Variants in RPS6KA2 observed in about 807,000 individuals in gnomAD.
RPS6KA2 encodes ribosomal protein S6 kinase A2, also known as ribosomal protein S6 kinase alpha-2.
Under a neutral mutation model 91.8 loss-of-function variants are expected in RPS6KA2, and 42 were observed. The ratio of observed to expected loss-of-function variants is 0.46; its 90% CI spans 0.36 to 0.59. RPS6KA2 has a LOEUF of 0.59. RPS6KA2 is among the 20% of genes least tolerant of loss of function. The probability of loss-of-function intolerance (pLI) is 0.00; values close to 1 mark genes in which losing one functional copy is unlikely to be tolerated. For missense variants in RPS6KA2, 798 were observed against 978.5 expected (o/e 0.82, Z 2.46); for synonymous variants, 414 against 393.6 (o/e 1.05, Z -0.61).
intron 2 of RPS6KA2, among the ~76,000 whole-genome samples, chr6:166,746,227 A>G (rs1242112463): frequency 6.6e-6 from 1 of 152,118 alleles, no homozygotes; most frequent in African/African-American, 2.4e-5. Flanking sequence ...AACAACACCG[A>G]GCTTTCCTCT....
intron 1 of RPS6KA2, among the ~76,000 whole-genome samples, chr6:166,600,934 G>C (rs1785710073): frequency 6.6e-6 from 1 of 152,090 alleles, no homozygotes; most frequent in South Asian, 2.1e-4. Context: ...TGTAGGCAGG[G>C]AGCAATTTAT....
chr6:166,862,092 T>G (rs755292096), intron 1 of RPS6KA2: 4 of 1,614,060 alleles, frequency 2.5e-6, no homozygotes, highest in Non-Finnish European at 3.4e-6. Context: ...AAAAGTGCGT[T>G]CTCTCCTGCA....
chr6:166,420,532 G>T (rs1310867954), intron 17 of RPS6KA2, among the ~76,000 whole-genome samples: 4 of 152,166 alleles, frequency 2.6e-5, no homozygotes, highest in African/African-American at 9.7e-5. Context: ...ATTTCACTTA[G>T]TATAACACCC....
intron 2 of RPS6KA2, among the ~76,000 whole-genome samples, chr6:166,671,979 C>A (rs1349106690): frequency 6.6e-6 from 1 of 152,196 alleles, no homozygotes; most frequent in East Asian, 1.9e-4. Flanking sequence ...GGTCTGACAC[C>A]TGTGGCCAAA....
At chr6:166,654,967 AAT>A (rs869268927) in intron 2 of RPS6KA2, among the ~76,000 whole-genome samples, 3 of 139,204 alleles carry the variant, frequency 2.2e-5, no homozygotes, top group African/African-American at 5.5e-5. Context: ...TGTAAAAAAA[AAT>A]ATCAGGTGTC....
intron 1 of RPS6KA2, among the ~76,000 whole-genome samples, chr6:166,588,425 C>T (rs3799600): frequency 0.41 from 62,928 of 151,670 alleles, 13,904 homozygotes; most frequent in African/African-American, 0.55. Context: ...CCACACAGAG[C>T]ATCATGCACC....
At chr6:166,703,158 C>T (rs1412508159) in intron 2 of RPS6KA2, among the ~76,000 whole-genome samples, 1 of 152,216 alleles carries the variant, frequency 6.6e-6, no homozygotes, top group Non-Finnish European at 1.5e-5. Flanking sequence ...AATACAGGGG[C>T]AGTCGTGTTT....
Position 166,626,784 on chromosome 6 carries a change from C to T in RPS6KA2, c.99+137G>A, listed in dbSNP as rs537440755. 8.9e-6 allele frequency: 6 copies of T among 676,422 alleles called. No homozygotes were observed. Among genetic ancestry groups the T allele is most frequent in the Non-Finnish European group, 1.3e-5 (6 of 477,618 alleles). 41.9% of individuals were successfully genotyped at this position (676,422 alleles called of 1,614,324 possible). Reference sequence around the variant, plus strand: ...GTTTGGAGCCGTTTGGTTCGATTTTCGGAACCGGACCAGCTTTCCAGTAAC... The same window carrying T: ...GTTTGGAGCCGTTTGGTTCGATTTTTGGAACCGGACCAGCTTTCCAGTAAC... On this transcript the variant is annotated intron_variant, in intron 1 of 20. Coordinates refer to ENST00000265678, the MANE Select transcript of RPS6KA2 (RefSeq NM_021135.6). The surrounding 1 kb of genome is among the most constrained non-coding windows in gnomAD (Gnocchi z 4.1).
chr6:166,607,080 T>C (rs1368693516), intron 1 of RPS6KA2, among the ~76,000 whole-genome samples: 2 of 146,588 alleles, frequency 1.4e-5, no homozygotes, highest in Non-Finnish European at 3.0e-5. Flanking sequence ...ATGCAGAGGT[T>C]GCAGTGAGCC....
In RPS6KA2 at chr6:166,767,215, G is replaced by A. The variant is rs761181602; in HGVS notation, c.123+90985C>T. On this transcript the variant is annotated intron_variant, in intron 2 of 21. Coordinates refer to the RPS6KA2 transcript ENST00000503859. The surrounding 1 kb of genome is among the most constrained non-coding windows in gnomAD (Gnocchi z 4.6). ...TAGACTCTGCCCAGTTTTTAATGTC[G>A]CCTATCACCTCCCCATGAGCAACGC... is the stretch of plus-strand genomic sequence containing the variant. 6.6e-6 allele frequency among the ~76,000 whole-genome samples: 1 copy of A among 152,086 alleles called. No homozygotes were observed. Among genetic ancestry groups the A allele is most frequent in the Non-Finnish European group, 1.5e-5 (1 of 68,030 alleles).
intron 1 of RPS6KA2, among the ~76,000 whole-genome samples, chr6:166,611,491 A>G (rs950713876): frequency 1.3e-5 from 2 of 152,246 alleles, no homozygotes; most frequent in African/African-American, 4.8e-5. Context: ...CAAAAGGTAT[A>G]TAACATACTT....
At chr6:166,483,502 C>T (rs1329078372) in intron 10 of RPS6KA2, among the ~76,000 whole-genome samples, 3 of 152,154 alleles carry the variant, frequency 2.0e-5, no homozygotes, top group East Asian at 1.9e-4. Context: ...TGATTTCTTA[C>T]GGAGTTGGAA....
chr6:166,541,323 T>C (rs1039402481), intron 1 of RPS6KA2, among the ~76,000 whole-genome samples: 10 of 152,384 alleles, frequency 6.6e-5, no homozygotes, highest in African/African-American at 2.2e-4. Context: ...CACCCTTTCC[T>C]GGGGCACGTT....
chr6:166,683,151 T>C (rs1232718380), intron 2 of RPS6KA2, among the ~76,000 whole-genome samples: 1 of 152,162 alleles, frequency 6.6e-6, no homozygotes, highest in African/African-American at 2.4e-5. Context: ...CATGACTCTT[T>C]CTACAGGGCA....
At chr6:166,712,527 T>C (rs1240544860) in intron 2 of RPS6KA2, among the ~76,000 whole-genome samples, 2 of 152,240 alleles carry the variant, frequency 1.3e-5, no homozygotes, top group African/African-American at 4.8e-5. Context: ...GTGAGGGTTC[T>C]TGCTATAACT....
In RPS6KA2 at chr6:166,827,400, T is replaced by G. The variant is rs1359186616; in HGVS notation, c.123+30800A>C. Among the ~76,000 whole-genome samples, 3 of 152,326 alleles carry G rather than the reference T, an allele frequency of 2.0e-5. No homozygotes were observed. The East Asian group carries it at 5.8e-4, about 29-fold the overall frequency. ...ACACCGTTCAGCCTTGTTATTGATC[T>G]TGTGGCCAAGAATAATTATTGCAAA... On this transcript the variant is annotated intron_variant, in intron 2 of 21. Coordinates refer to the RPS6KA2 transcript ENST00000503859.
chr6:166,521,049 G>A (rs565053641), intron 3 of RPS6KA2, among the ~76,000 whole-genome samples: 2 of 152,402 alleles, frequency 1.3e-5, no homozygotes, highest in South Asian at 2.1e-4. Flanking sequence ...TGTCCCGGGT[G>A]CAGCTCTGCC....
At chr6:166,838,806 G>A (rs758873080) in intron 2 of RPS6KA2, among the ~76,000 whole-genome samples, 12 of 150,214 alleles carry the variant, frequency 8.0e-5, no homozygotes, top group African/African-American at 2.5e-4. Flanking sequence ...AATGGTATGC[G>A]GCAAAGGGGC....
intron 1 of RPS6KA2, among the ~76,000 whole-genome samples, chr6:166,611,113 ATC>A (rs1562340150): frequency 2.0e-5 from 3 of 152,248 alleles, no homozygotes; most frequent in Admixed American, 2.0e-4. Context: ...CCAGTTTACT[ATC>A]TCAAATAGAC....
Sources: allele counts gnomAD v4.1 joint callset (sites outside exome capture counted in the v4.1 genomes callset), GRCh38; gene constraint gnomAD v4.1.1; non-coding constraint Gnocchi (gnomAD v3.1); transcripts MANE v1.5; gene names NCBI Gene and HGNC (gene_info 2026-07-23, HGNC 2026-07-21).